GOLPH3: variants seen among roughly 807,000 people sequenced by gnomAD.
GOLPH3 encodes the protein coat protein GPP34.
A neutral mutation model predicts 28.5 loss-of-function variants in GOLPH3; 14 were observed. The observed-to-expected ratio is 0.49, with a 90% CI of 0.32 to 0.77. The LOEUF is 0.77. Ranked by LOEUF, GOLPH3 falls within the 30% of genes least tolerant of loss-of-function variation. The pLI, the probability that GOLPH3 is intolerant of heterozygous loss-of-function variation, is 0.03. For synonymous variants in GOLPH3, 158 were observed against 159.2 expected, an observed-to-expected ratio of 0.99 and a Z score of 0.06; for missense variants, 350 against 393.7, an observed-to-expected ratio of 0.89 and a Z score of 0.94.
At chr5:32,137,117 G>A (rs1455357233) in intron 2 of GOLPH3, among the ~76,000 whole-genome samples, 8 of 151,608 alleles carry the variant, frequency 5.3e-5, no homozygotes, top group African/African-American at 1.5e-4. Flanking sequence ...GTGCCACCAC[G>A]CCTGGCTAAT....
chr5:32,135,717 C>T (rs1319033143), intron 2 of GOLPH3, 31 bp from the exon 3 acceptor site: 1 of 1,274,666 alleles, frequency 7.8e-7, no homozygotes, highest in Non-Finnish European at 1.1e-6. Context: ...ATGAAAGGAT[C>T]CACGAATGCC....
At chr5:32,166,084 A>AC (rs1746702813) in intron 1 of GOLPH3, among the ~76,000 whole-genome samples, 1 of 152,228 alleles carries the variant, frequency 6.6e-6, no homozygotes, top group African/African-American at 2.4e-5. Context: ...AAGAAAACAC[A>AC]CAACTGCAGA....
At chr5:32,135,839 T>G (rs552079518) in intron 2 of GOLPH3, among the ~76,000 whole-genome samples, 153 bp from the exon 3 acceptor site, 1 of 152,258 alleles carries the variant, frequency 6.6e-6, no homozygotes, top group African/African-American at 2.4e-5. Flanking sequence ...AAATTACTTT[T>G]ATGTTAAGGA....
chr5:32,164,643 G>A (rs183697956), intron 1 of GOLPH3, among the ~76,000 whole-genome samples: 9 of 151,966 alleles, frequency 5.9e-5, no homozygotes, highest in South Asian at 2.1e-4. Flanking sequence ...TGATCCACCC[G>A]CCTCAACTCC....
At chr5:32,131,575 T>C (rs1457376182) in intron 3 of GOLPH3, among the ~76,000 whole-genome samples, 1 of 152,222 alleles carries the variant, frequency 6.6e-6, no homozygotes, top group East Asian at 1.9e-4. Flanking sequence ...CTGCGATCCA[T>C]GCTGTTAGTC....
Position 32,125,942 on chromosome 5 carries a change from C to A in GOLPH3, c.*270G>T, listed in dbSNP as rs1386226102. On this transcript the variant is annotated 3_prime_UTR_variant, in exon 4 of 4. Transcript: ENST00000265070. ...GAGGTACTTTGAAAGTCAAAGTAGA[C>A]CAGAAACCCAAAACAGGTAACAGTG... 5.5e-6 allele frequency: 2 copies of A among 362,376 alleles called. No individual in the cohort carries two copies. The highest frequency in any genetic ancestry group is 5.0e-6 in the Non-Finnish European group (1 of 200,766). 22.4% of individuals were successfully genotyped at this position (362,376 alleles called of 1,614,324 possible).
intron 2 of GOLPH3, among the ~76,000 whole-genome samples, chr5:32,139,370 A>G (rs531324637): frequency 1.6e-4 from 25 of 152,306 alleles, no homozygotes; most frequent in African/African-American, 5.5e-4. Flanking sequence ...CCAGATTTTG[A>G]TATTTGAGGG....
At chr5:32,166,970 G>T (rs185278890) in intron 1 of GOLPH3, among the ~76,000 whole-genome samples, 165 of 152,002 alleles carry the variant, frequency 1.1e-3, no homozygotes, top group Non-Finnish European at 2.0e-3. Context: ...GTTAGAAGGG[G>T]GGGGGAGTTT....
At chr5:32,143,693 T>A in intron 2 of GOLPH3, 56 bp downstream of exon 2, 2 of 1,455,606 alleles carry the variant, frequency 1.4e-6, no homozygotes, top group Non-Finnish European at 9.2e-7. Context: ...AGTAAAAACA[T>A]ACATTTTAAG....
Position 32,126,603 on chromosome 5 carries a change from T to C in GOLPH3, c.506A>G (p.Gln169Arg). ...TAATCGTTCCCGTACATTTCTTAAC[T>C]GATAATGCAATTTTAATGGATTCCA... ...ETWNPLKLHYQLRNVRERLAK... is the reference protein window; with the variant it reads ...ETWNPLKLHYRLRNVRERLAK... The change falls in exon 4 of 4, where the codon CAG becomes CGG. Residue 169 changes from glutamine to arginine, a missense_variant. Transcript: ENST00000265070. The C allele has an allele frequency of 3.1e-6, 5 of 1,613,282 alleles. No individual in the cohort carries two copies. Among genetic ancestry groups the C allele is most frequent in the Non-Finnish European group, 4.2e-6 (5 of 1,179,620 alleles).
chr5:32,174,086 GTCGCCCTCCTCCTCCCCGC>G lies in GOLPH3; in HGVS notation c.-71_-53del. 1 of 1,187,670 alleles carries G rather than the reference GTCGCCCTCCTCCTCCCCGC, an allele frequency of 8.4e-7. No homozygotes were observed. The highest frequency in any genetic ancestry group is 3.7e-5 in the South Asian group (1 of 26,756). The allele number at this position is 1,187,670 out of a possible 1,614,324, so 73.6% of individuals were successfully genotyped here. On this transcript the variant is annotated 5_prime_UTR_variant, in exon 1 of 4. Transcript: ENST00000265070. ...CCGAGAGGGTCGCAGGACCGACCGG[GTCGCCCTCCTCCTCCCCGC>G]GCGGCCTCCGATCCGGGTTTCCGTG...
At chr5:32,131,207 G>T (rs1000165975) in intron 3 of GOLPH3, among the ~76,000 whole-genome samples, 4 of 152,208 alleles carry the variant, frequency 2.6e-5, no homozygotes, top group Admixed American at 1.3e-4. Context: ...CGAGCAGAAG[G>T]CTAAAACTGT....
At position 32,173,916 on chromosome 5, in the gene GOLPH3, G is replaced by A. The variant is rs1746912488; in HGVS notation, c.119C>T (p.Ala40Val). The A allele has an allele frequency of 6.6e-7, 1 of 1,507,508 alleles. No homozygotes were observed. Among genetic ancestry groups the A allele is most frequent in the African/African-American group, 1.4e-5 (1 of 69,624 alleles). 93.4% of individuals were successfully genotyped at this position (1,507,508 alleles called of 1,614,324 possible). A position where few individuals can be genotyped will look rare whatever the true frequency, so the allele number is the denominator to read the frequency against. Residue 40 changes from alanine to valine, a missense_variant, in exon 1 of 4, where the codon GCG (alanine) becomes GTG (valine). Transcript: ENST00000265070. ...GTCCTGCTCGTCGCGGCGGCTCTGC[G>A]CGTCGTCCTCGCTGCTGCCGGCGCC... ...GGGAGSSEDD[A>V]QSRRDEQDDD... is the part of the protein sequence containing the mutation.
chr5:32,127,675 A>G (rs940618477), intron 3 of GOLPH3, among the ~76,000 whole-genome samples: 6 of 152,240 alleles, frequency 3.9e-5, no homozygotes, highest in Non-Finnish European at 8.8e-5. Context: ...CTATCTTAAA[A>G]TTTTAAGTTG....
At chr5:32,147,811 T>G (rs1189169009) in intron 1 of GOLPH3, among the ~76,000 whole-genome samples, 1 of 152,144 alleles carries the variant, frequency 6.6e-6, no homozygotes. Context: ...TAAAACATAT[T>G]TGTGAAGTAG....
At chr5:32,163,981 C>A (rs1746650290) in intron 1 of GOLPH3, among the ~76,000 whole-genome samples, 1 of 152,108 alleles carries the variant, frequency 6.6e-6, no homozygotes. Flanking sequence ...GCAACTTTTA[C>A]ATACAGTTTC....
intron 1 of GOLPH3, among the ~76,000 whole-genome samples, chr5:32,158,144 C>T (rs933292846): frequency 1.0e-4 from 15 of 147,498 alleles, no homozygotes; most frequent in African/African-American, 7.7e-5. Flanking sequence ...CACACACACA[C>T]ACACACACAC....
At chr5:32,139,190 A>C (rs1746004344) in intron 2 of GOLPH3, among the ~76,000 whole-genome samples, 1 of 152,218 alleles carries the variant, frequency 6.6e-6, no homozygotes, top group Admixed American at 6.5e-5. Context: ...AGGATCAAAA[A>C]TATCCAGGAA....
chr5:32,159,097 T>C lies in GOLPH3; in HGVS notation c.225+14713A>G, dbSNP rs79587150. 1.6e-3 allele frequency among the ~76,000 whole-genome samples: 238 copies of C among 152,352 alleles called. 1 individual carries two copies. The highest frequency in any genetic ancestry group is 5.3e-3 in the African/African-American group (221 of 41,584). ...GGCTCCAAAGCCCTGGCTCCTTTTC[T>C]GTCTTGCCTTCCAAGACCTGTTTAT... On this transcript the variant is annotated intron_variant, in intron 1 of 3. Coordinates refer to ENST00000265070, the MANE Select transcript of GOLPH3 (RefSeq NM_022130.4).
Sources: allele counts gnomAD v4.1 joint callset (sites outside exome capture counted in the v4.1 genomes callset), GRCh38; gene constraint gnomAD v4.1.1; transcripts MANE v1.5; gene names NCBI Gene and HGNC (gene_info 2026-07-23, HGNC 2026-07-21).